ST7: variants seen among roughly 807,000 people sequenced by gnomAD.
The protein encoded by ST7 is suppressor of tumorigenicity 7 protein.
In ST7, 28 loss-of-function variants were observed where a neutral mutation model predicts 78.7. The ratio of observed to expected loss-of-function variants is 0.36; its 90% CI spans 0.26 to 0.49. ST7 has a LOEUF of 0.49. ST7 is among the 20% of genes least tolerant of loss of function. The probability of loss-of-function intolerance (pLI) is 0.99; values close to 1 mark genes in which losing one functional copy is unlikely to be tolerated. For synonymous variants in ST7, 247 were observed against 249.6 expected, an observed-to-expected ratio of 0.99 and a Z score of 0.10; for missense variants, 418 against 696.0, an observed-to-expected ratio of 0.60 and a Z score of 4.49.
rs1809710268 is a variant in ST7, at chr7:117,190,848, C to T, written c.1166C>T (p.Ala389Val). ...CTGCTTTTCAGATTCTCTCCTGAGG[C>T]TGCATCTCGGCGGGGGCTGAGCACA... is the stretch of plus-strand genomic sequence containing the variant. ...RAVSDKFSPE[A>V]ASRRGLSTAE... is the part of the protein sequence containing the mutation. Residue 389 changes from alanine to valine, a missense_variant, in exon 12 of 16, where the codon GCT (alanine) becomes GTT (valine). Physicochemically the swap from Ala to Val is moderately conservative, Grantham distance 64. Around this residue, in one of 4 missense-constraint regions of ST7, gnomAD observed 288 missense variants for 537.1 expected, o/e 0.54. Transcript: ENST00000323984. This position sits in a 1 kb window ranked among gnomAD's most constrained non-coding sequence, Gnocchi z 5.2. 6.2e-7 allele frequency: 1 copy of T among 1,613,848 alleles called. No homozygotes were observed.
At chr7:117,071,639 A>C (rs1798968330) in intron 1 of ST7, among the ~76,000 whole-genome samples, 1 of 152,240 alleles carries the variant, frequency 6.6e-6, no homozygotes, top group Non-Finnish European at 1.5e-5. Context: ...TGTATGGCAC[A>C]CTGGGGTAAA....
intron 11 of ST7, among the ~76,000 whole-genome samples, chr7:117,189,793 A>G (rs1389736526): frequency 1.3e-5 from 2 of 152,188 alleles, no homozygotes; most frequent in East Asian, 3.9e-4. Context: ...CAGGATGGTC[A>G]TCTCTCATTC....
intron 1 of ST7, among the ~76,000 whole-genome samples, chr7:116,957,377 G>GT (rs1792562628): frequency 6.6e-6 from 1 of 150,930 alleles, no homozygotes; most frequent in African/African-American, 2.4e-5. Context: ...TTTTTTGTTT[G>GT]TTTTTTAAGA....
chr7:117,189,437 T>C, intron 11 of ST7, 44 bp downstream of exon 11: 1 of 1,464,308 alleles, frequency 6.8e-7, no homozygotes, highest in South Asian at 1.3e-5. Context: ...CTGACCGGAA[T>C]TGAGATGTGT....
At chr7:117,052,429 G>A (rs1797834264) in intron 1 of ST7, among the ~76,000 whole-genome samples, 2 of 152,050 alleles carry the variant, frequency 1.3e-5, no homozygotes, top group Admixed American at 1.3e-4. Flanking sequence ...GTCTGACACT[G>A]GTAGTTACTT....
chr7:117,061,894 T>G (rs951384873), intron 1 of ST7, among the ~76,000 whole-genome samples: 3 of 152,226 alleles, frequency 2.0e-5, no homozygotes, highest in Non-Finnish European at 4.4e-5. Context: ...AAAGGATAAC[T>G]TGTGTGTGAC....
intron 1 of ST7, among the ~76,000 whole-genome samples, chr7:117,062,434 T>C (rs1429850698): frequency 2.0e-5 from 3 of 152,182 alleles, no homozygotes; most frequent in African/African-American, 7.2e-5. Flanking sequence ...AGAGTCAGTA[T>C]TGTTTGATTA....
chr7:117,087,431 A>G (rs909936635), intron 1 of ST7, among the ~76,000 whole-genome samples: 3 of 152,218 alleles, frequency 2.0e-5, no homozygotes, highest in African/African-American at 7.2e-5. Context: ...AGGCATATAT[A>G]AAAAAGAATC....
chr7:117,089,769 A>G (rs920139268), intron 1 of ST7, among the ~76,000 whole-genome samples: 2 of 151,790 alleles, frequency 1.3e-5, no homozygotes, highest in Admixed American at 1.3e-4. Context: ...ACGGGGTTTC[A>G]CCATATTGGC....
At chr7:117,050,238 A>G (rs566632035) in intron 1 of ST7, among the ~76,000 whole-genome samples, 4 of 152,120 alleles carry the variant, frequency 2.6e-5, no homozygotes, top group Non-Finnish European at 5.9e-5. Flanking sequence ...AGAAAAAAAG[A>G]AAAATATGCC....
Position 117,206,874 on chromosome 7 carries a change from C to T in ST7, c.1255-2913C>T, listed in dbSNP as rs542402289. ...GTCAATGCTGTCCAAAAGACTTTTC[C>T]GTGATCATGGAAATATTCCCTGCAT... is the stretch of plus-strand genomic sequence containing the variant. On this transcript the variant is annotated intron_variant, in intron 12 of 15. Coordinates refer to ENST00000323984, the MANE Select transcript of ST7 (RefSeq NM_001369598.1). Among the ~76,000 whole-genome samples, 7 of 152,256 alleles carry T rather than the reference C, an allele frequency of 4.6e-5. No individual in the cohort carries two copies. In the East Asian group the frequency reaches 1.3e-3, roughly 29 times the overall value.
chr7:117,027,463 A>AAAAGTAAAGTAAAGTAAAGTAAAGG (rs1796253317), intron 1 of ST7, among the ~76,000 whole-genome samples: 1 of 140,630 alleles, frequency 7.1e-6, no homozygotes, highest in South Asian at 2.3e-4. Context: ...AAAGTAAAGT[A>AAAAGTAAAGTAAAGTAAAGTAAAGG]AAAGTAAAGT....
intron 9 of ST7, among the ~76,000 whole-genome samples, chr7:117,145,830 AT>A (rs1563119383): frequency 6.6e-6 from 1 of 152,208 alleles, no homozygotes; most frequent in African/African-American, 2.4e-5. Flanking sequence ...CTTCACTGCT[AT>A]ATCAGGTCAG....
intron 1 of ST7, among the ~76,000 whole-genome samples, chr7:117,055,190 T>C (rs1797999227): frequency 6.6e-6 from 1 of 152,126 alleles, no homozygotes; most frequent in Non-Finnish European, 1.5e-5. Context: ...TTATTTATTT[T>C]CTGCTCCTTA....
intron 15 of ST7, among the ~76,000 whole-genome samples, chr7:117,222,584 T>C (rs1793169271): frequency 6.6e-6 from 1 of 152,188 alleles, no homozygotes; most frequent in South Asian, 2.1e-4. Context: ...GGAAATCCAT[T>C]AAGAGTCTTT....
intron 1 of ST7, among the ~76,000 whole-genome samples, chr7:117,000,844 G>A (rs1422514516): frequency 6.6e-6 from 1 of 152,192 alleles, no homozygotes. Context: ...CCCTCATTGA[G>A]AAGTATTGCT....
rs112718459 is a variant in ST7, at chr7:117,136,239, A to C, written c.865+4A>C. 1 of 1,613,658 alleles carries C rather than the reference A, an allele frequency of 6.2e-7. No homozygotes were observed. Reference sequence around the variant, plus strand: ...TCCCAGTATGAAGCCCAACATAGTAAGGTTTCCTGCAGGTTGATGCATTGG... The same window carrying C: ...TCCCAGTATGAAGCCCAACATAGTACGGTTTCCTGCAGGTTGATGCATTGG... On this transcript the variant is annotated splice_donor_region_variant and intron_variant, in intron 8 of 15. Transcript: ENST00000323984.
rs547209794 is a variant in ST7, at chr7:117,101,476, A to G, written c.234+1632A>G. Among the ~76,000 whole-genome samples, 6 of 152,292 alleles carry G rather than the reference A, an allele frequency of 3.9e-5. No individual in the cohort carries two copies. In the South Asian group the frequency reaches 1.0e-3, roughly 26 times the overall value. ...GTATGTGCTTCTGGAGCCAGGAGTT[A>G]GAATCCCTGAGTTCGTTGTTTTCAT... On this transcript the variant is annotated intron_variant, in intron 2 of 15. Transcript: ENST00000323984.
intron 11 of ST7, among the ~76,000 whole-genome samples, chr7:117,189,764 A>G (rs543163928): frequency 6.6e-6 from 1 of 152,298 alleles, no homozygotes; most frequent in South Asian, 2.1e-4. Flanking sequence ...AGTGTCATAC[A>G]CACGTGGAAT....
Sources: allele counts gnomAD v4.1 joint callset (sites outside exome capture counted in the v4.1 genomes callset), GRCh38; gene constraint gnomAD v4.1.1; regional missense constraint gnomAD v4.1.1; non-coding constraint Gnocchi (gnomAD v3.1); transcripts MANE v1.5; gene names NCBI Gene and HGNC (gene_info 2026-07-23, HGNC 2026-07-21).